RAPGEF5: variants seen among roughly 807,000 people sequenced by gnomAD.
The protein encoded by RAPGEF5 is M-Ras-regulated GEF.
A neutral mutation model predicts 125.2 loss-of-function variants in RAPGEF5; 65 were observed. The observed-to-expected ratio is 0.52, with a 90% CI of 0.43 to 0.64. The LOEUF is 0.64. Among genes scored for constraint, RAPGEF5 ranks in the 30% least tolerant of loss-of-function variants. The pLI is 0.00. For missense variants in RAPGEF5, 958 were observed against 1,048.1 expected (o/e 0.91, Z 1.19); for synonymous variants, 391 against 385.9 (o/e 1.01, Z -0.16).
At chr7:22,193,605 G>A (rs1338212927) in intron 10 of RAPGEF5, 150 bp from the exon 11 acceptor site, 2 of 1,550,804 alleles carry the variant, frequency 1.3e-6, no homozygotes, top group East Asian at 2.4e-5. Context: ...AGAGCGCCGC[G>A]GCGGAATCTT....
chr7:22,341,963 G>A (rs900579586), intron 1 of RAPGEF5, among the ~76,000 whole-genome samples: 7 of 152,190 alleles, frequency 4.6e-5, no homozygotes, highest in African/African-American at 1.7e-4. Flanking sequence ...CCACTAGGTG[G>A]TAGAGAGCTG....
intron 11 of RAPGEF5, among the ~76,000 whole-genome samples, chr7:22,190,263 C>CCGT (rs1784951413): frequency 6.7e-6 from 1 of 150,150 alleles, no homozygotes; most frequent in Non-Finnish European, 1.5e-5. Context: ...CAGACAGACA[C>CCGT]TCCGTCTCAA....
intron 8 of RAPGEF5, among the ~76,000 whole-genome samples, chr7:22,229,919 G>A (rs180849499): frequency 1.3e-3 from 201 of 152,256 alleles, no homozygotes; most frequent in Non-Finnish European, 2.6e-3. Flanking sequence ...CCCTCTGTAT[G>A]TCCTACAGAT....
intron 1 of RAPGEF5, among the ~76,000 whole-genome samples, chr7:22,321,561 G>A (rs961926867): frequency 1.3e-5 from 2 of 152,166 alleles, no homozygotes; most frequent in African/African-American, 2.4e-5. Flanking sequence ...AAAGGAAAAA[G>A]ACTGAATCAC....
chr7:22,277,754 G>C (rs1782590695), intron 6 of RAPGEF5, among the ~76,000 whole-genome samples: 3 of 152,128 alleles, frequency 2.0e-5, no homozygotes, highest in Admixed American at 6.5e-5. Context: ...ATGACATGAT[G>C]ACCCCTTCTT....
chr7:22,125,089 A>C (rs1195853961), intron 25 of RAPGEF5: 1 of 152,820 alleles, frequency 6.5e-6, no homozygotes, highest in Non-Finnish European at 1.5e-5. Flanking sequence ...GGGATTCTAC[A>C]AAAGTGCTCA....
At chr7:22,124,554 C>T (rs1448723790) in intron 25 of RAPGEF5, among the ~76,000 whole-genome samples, 2 of 152,100 alleles carry the variant, frequency 1.3e-5, no homozygotes, top group Non-Finnish European at 1.5e-5. Flanking sequence ...CAGCCTAGAC[C>T]AGCACTGAAC....
At chr7:22,299,749 G>C (rs1312429723) in intron 5 of RAPGEF5, among the ~76,000 whole-genome samples, 1 of 151,932 alleles carries the variant, frequency 6.6e-6, no homozygotes, top group African/African-American at 2.4e-5. Flanking sequence ...TGTTTTCATT[G>C]TAGAGGATTG....
chr7:22,194,048 A>G lies in RAPGEF5; in HGVS notation c.997-15T>C. On this transcript the variant is annotated splice_polypyrimidine_tract_variant and intron_variant, in intron 9 of 25. Coordinates refer to ENST00000665637, the MANE Select transcript of RAPGEF5 (RefSeq NM_012294.5). ...TCATCATCTTGCTTTAATTGTGGAC[A>G]GGGATGATGGATGAGAGAAGGAAAA... 1 of 1,593,578 alleles carries G rather than the reference A, an allele frequency of 6.3e-7. No individual in the cohort carries two copies. Among genetic ancestry groups the G allele is most frequent in the African/African-American group, 1.3e-5 (1 of 74,406 alleles).
intron 12 of RAPGEF5, among the ~76,000 whole-genome samples, chr7:22,164,602 TGC>T (rs1784105114): frequency 3.9e-5 from 6 of 152,208 alleles, no homozygotes; most frequent in Non-Finnish European, 8.8e-5. Flanking sequence ...TTTTCCTCCC[TGC>T]AAGATATATA....
chr7:22,180,771 T>A (rs1005603511), intron 11 of RAPGEF5, among the ~76,000 whole-genome samples: 2 of 152,174 alleles, frequency 1.3e-5, no homozygotes, highest in African/African-American at 2.4e-5. Flanking sequence ...CAAGGAGTGT[T>A]AAGAATACTT....
rs113230103 is a variant in RAPGEF5 at position 22,180,517 on chromosome 7, A to G, written c.1204+12850T>C. ...ATCAAGTTCAAATAAGGAATCTCAG[A>G]ACTGACTGATATCAGAGTGGCTTTA... is the stretch of plus-strand genomic sequence containing the variant. On this transcript the variant is annotated intron_variant, in intron 11 of 25. Transcript: ENST00000665637. 8.9e-4 allele frequency among the ~76,000 whole-genome samples: 135 copies of G among 152,266 alleles called. 4 individuals are homozygous for G. Among genetic ancestry groups the G allele is most frequent in the African/African-American group, 2.9e-3 (121 of 41,564 alleles).
intron 7 of RAPGEF5, among the ~76,000 whole-genome samples, chr7:22,241,401 G>C (rs762531599): frequency 6.6e-6 from 1 of 152,070 alleles, no homozygotes; most frequent in Non-Finnish European, 1.5e-5. Context: ...AATAAATAGA[G>C]GGGGCAGGGG....
At chr7:22,145,384 A>C in intron 19 of RAPGEF5, 162 bp from the exon 20 acceptor site, 1 of 639,118 alleles carries the variant, frequency 1.6e-6, no homozygotes, top group Non-Finnish European at 2.5e-6. Context: ...AAAATGAGTT[A>C]GTTTTAGAGG....
intron 6 of RAPGEF5, among the ~76,000 whole-genome samples, chr7:22,273,353 G>A (rs1782485065): frequency 6.6e-6 from 1 of 151,466 alleles, no homozygotes; most frequent in Non-Finnish European, 1.5e-5. Context: ...TGAGTAGCTG[G>A]GACTACAGGC....
chr7:22,323,897 G>A (rs545575546), intron 1 of RAPGEF5, among the ~76,000 whole-genome samples: 18 of 152,146 alleles, frequency 1.2e-4, no homozygotes, highest in Non-Finnish European at 2.1e-4. Flanking sequence ...ACTAAATGCA[G>A]TAAAAAGAAG....
chr7:22,270,833 A>G (rs79258376), intron 6 of RAPGEF5, among the ~76,000 whole-genome samples: 31,613 of 152,148 alleles, frequency 0.21, 3,772 homozygotes, highest in East Asian at 0.52. Flanking sequence ...CATGAAATGC[A>G]TTACTATTCA....
intron 7 of RAPGEF5, among the ~76,000 whole-genome samples, chr7:22,232,313 GC>G (rs1786078191): frequency 6.7e-6 from 1 of 148,216 alleles, no homozygotes. Context: ...TATTCTGTGT[GC>G]TTTTTTTTTT....
chr7:22,353,483 G>C (rs1392934399), intron 1 of RAPGEF5, among the ~76,000 whole-genome samples: 1 of 152,156 alleles, frequency 6.6e-6, no homozygotes, highest in Non-Finnish European at 1.5e-5. Flanking sequence ...ATGATGTACG[G>C]AATTTTGTTT....
Sources: gnomAD v4.1 joint callset for allele counts (sites outside exome capture counted in the v4.1 genomes callset) on GRCh38, gnomAD v4.1.1 for gene constraint, MANE v1.5 for transcripts, NCBI Gene and HGNC (gene_info 2026-07-23, HGNC 2026-07-21) for gene names.